Variants in KCNJ14 observed in about 807,000 individuals in gnomAD.
KCNJ14 encodes the protein ATP-sensitive inward rectifier potassium channel 14.
Under a neutral mutation model 24.5 loss-of-function variants are expected in KCNJ14, and 18 were observed. The observed-to-expected ratio is 0.74, with a 90% CI of 0.51 to 1.09. KCNJ14 has a LOEUF of 1.09. KCNJ14 is among the 50% of genes least tolerant of loss of function. KCNJ14 has a pLI of 0.00. For missense variants in KCNJ14, 633 were observed against 623.0 expected, an observed-to-expected ratio of 1.02 and a Z score of -0.17; for synonymous variants, 288 against 270.8, an observed-to-expected ratio of 1.06 and a Z score of -0.63.
At position 48,462,192 on chromosome 19, in the gene KCNJ14, C is replaced by T; in HGVS notation, c.468C>T (p.Thr156=). The change falls in exon 2 of 3, where the codon ACC becomes ACT. Residue 156 remains threonine, a synonymous_variant. Coordinates refer to ENST00000342291, the MANE Select transcript of KCNJ14 (RefSeq NM_013348.4). The surrounding 1 kb of genome is among the most constrained non-coding windows in gnomAD (Gnocchi z 4.9). ...TSIGYGVRSV[T]EECPAAVAAV... ...TCGGCTACGGCGTGCGCAGCGTCAC[C>T]GAGGAGTGCCCGGCCGCTGTGGCCG... The T allele has an allele frequency of 1.3e-6, 2 of 1,559,580 alleles. No homozygotes were observed. The highest frequency in any genetic ancestry group is 1.7e-6 in the Non-Finnish European group (2 of 1,152,530).
chr19:48,458,011 A>ATGT (rs1331882209), intron 1 of KCNJ14, among the ~76,000 whole-genome samples: 3 of 152,192 alleles, frequency 2.0e-5, no homozygotes, highest in Admixed American at 6.5e-5. Context: ...AGGTTTATCC[A>ATGT]TGTTGTTGCA....
chr19:48,459,624 G>A (rs1042293894), intron 1 of KCNJ14, among the ~76,000 whole-genome samples: 5 of 152,078 alleles, frequency 3.3e-5, no homozygotes, highest in Non-Finnish European at 7.4e-5. Context: ...ATGAACTCCT[G>A]GGCTCAAATG....
At chr19:48,459,871 A>C (rs1971575699) in intron 1 of KCNJ14, among the ~76,000 whole-genome samples, 2 of 152,084 alleles carry the variant, frequency 1.3e-5, no homozygotes, top group South Asian at 4.1e-4. Context: ...TCCACTAAAA[A>C]TACAAAAGTT....
At chr19:48,460,531 C>A (rs946545277) in intron 1 of KCNJ14, among the ~76,000 whole-genome samples, 2 of 152,176 alleles carry the variant, frequency 1.3e-5, no homozygotes, top group Non-Finnish European at 2.9e-5. Flanking sequence ...GCATGAACCA[C>A]CACACCCGGC....
Position 48,462,447 on chromosome 19 carries a change from G to C in KCNJ14, c.714+9G>C, listed in dbSNP as rs759246543. On this transcript the variant is annotated intron_variant, in intron 2 of 2. Coordinates refer to ENST00000342291, the MANE Select transcript of KCNJ14 (RefSeq NM_013348.4). The surrounding 1 kb of genome is among the most constrained non-coding windows in gnomAD (Gnocchi z 4.9). ...GTGCCCAGCTGCTGCAGGTGCGCCC[G>C]GGAGGAGAGGCGGGGACTTCCGTGA... is the stretch of plus-strand genomic sequence containing the variant. 2.1e-6 allele frequency: 3 copies of C among 1,459,132 alleles called. No homozygotes were observed. The highest frequency in any genetic ancestry group is 1.4e-5 in the South Asian group (1 of 70,668). The allele number at this position is 1,459,132 out of a possible 1,614,324, so 90.4% of individuals were successfully genotyped here.
intron 2 of KCNJ14, among the ~76,000 whole-genome samples, chr19:48,463,935 T>G (rs1971627924): frequency 6.6e-6 from 1 of 152,018 alleles, no homozygotes. Flanking sequence ...TGTCCCATGT[T>G]TTCTCTGGAC....
In KCNJ14 at chr19:48,462,177, C is replaced by T. The variant is rs1431329159; in HGVS notation, c.453C>T (p.Gly151=). 6 of 1,565,302 alleles carry T rather than the reference C, an allele frequency of 3.8e-6. No individual in the cohort carries two copies. The South Asian group carries it at 5.8e-5, about 15-fold the overall frequency. The change falls in exon 2 of 3, where the codon GGC becomes GGT. Residue 151 remains glycine (G), a synonymous_variant. Transcript: ENST00000342291. The surrounding 1 kb of genome is among the most constrained non-coding windows in gnomAD (Gnocchi z 4.9). Reference sequence around the variant, plus strand: ...AGACGCAGACGTCCATCGGCTACGGCGTGCGCAGCGTCACCGAGGAGTGCC... The same window carrying T: ...AGACGCAGACGTCCATCGGCTACGGTGTGCGCAGCGTCACCGAGGAGTGCC... The part of the protein sequence containing the change: ...ALETQTSIGY[G]VRSVTEECPA...
chr19:48,461,528 CAAAAAAAAAA>C, intron 1 of KCNJ14, 132 bp from the exon 2 acceptor site: 1 of 161,422 alleles, frequency 6.2e-6, no homozygotes, highest in South Asian at 3.3e-4. Context: ...ACTCTGTCTC[CAAAAAAAAAA>C]AAAAAAAAAA....
At chr19:48,461,488 A>G (rs1007224639) in intron 1 of KCNJ14, 182 bp from the exon 2 acceptor site, 3 of 360,740 alleles carry the variant, frequency 8.3e-6, no homozygotes, top group Non-Finnish European at 1.4e-5. Context: ...GGATCATGCC[A>G]CTGCACTCCA....
At position 48,462,417 on chromosome 19, in the gene KCNJ14, C is replaced by T. The variant is rs772889207; in HGVS notation, c.693C>T (p.His231=). 3 of 1,488,634 alleles carry T rather than the reference C, an allele frequency of 2.0e-6. No individual in the cohort carries two copies. Among genetic ancestry groups the T allele is most frequent in the African/African-American group, 1.4e-5 (1 of 71,402 alleles). 92.2% of individuals were successfully genotyped at this position (1,488,634 alleles called of 1,614,324 possible). ...GCCGCAGCCACCTGGTCGAGGCCCACGTGCGTGCCCAGCTGCTGCAGGTGC... is the reference window on the plus strand; with the variant it reads ...GCCGCAGCCACCTGGTCGAGGCCCATGTGCGTGCCCAGCTGCTGCAGGTGC... ...NLRRSHLVEA[H]VRAQLLQPRV... is the part of the protein sequence containing the mutation. Residue 231 remains histidine (H), a synonymous_variant, in exon 2 of 3, where the codon CAC becomes CAT. Coordinates refer to ENST00000342291, the MANE Select transcript of KCNJ14 (RefSeq NM_013348.4). The surrounding 1 kb of genome is among the most constrained non-coding windows in gnomAD (Gnocchi z 4.9).
chr19:48,464,345 C>T lies in KCNJ14; in HGVS notation c.879C>T (p.Ala293=), dbSNP rs1971633028. ...ATGAGCTAGGACGTGCCGAGCTGGCCAGGGCTGACTTTGAGCTGGTGGTCA... is the reference window on the plus strand; with the variant it reads ...ATGAGCTAGGACGTGCCGAGCTGGCTAGGGCTGACTTTGAGCTGGTGGTCA... The part of the protein sequence containing the change: ...PLYELGRAEL[A]RADFELVVIL... The change falls in exon 3 of 3, where the codon GCC becomes GCT. Residue 293 remains alanine (A), a synonymous_variant. Coordinates refer to ENST00000342291, the MANE Select transcript of KCNJ14 (RefSeq NM_013348.4). 2.5e-6 allele frequency: 4 copies of T among 1,613,352 alleles called. No homozygotes were observed. Among genetic ancestry groups the T allele is most frequent in the East Asian group, 4.5e-5 (2 of 44,856 alleles).
At position 48,461,550 on chromosome 19, in the gene KCNJ14, A is replaced by AAAAAAAAAAAAAAAAAAAAAAAAG. The variant is rs370425889; in HGVS notation, c.-55-120_-55-119insAAAAAAAAAAAAAAAAAAAAAAAG. The AAAAAAAAAAAAAAAAAAAAAAAAG allele has an allele frequency of 8.2e-5, 29 of 351,516 alleles. 4 individuals are homozygous for AAAAAAAAAAAAAAAAAAAAAAAAG. The highest frequency in any genetic ancestry group is 6.1e-4 in the African/African-American group (20 of 32,708). 21.8% of individuals were successfully genotyped at this position (351,516 alleles called of 1,614,324 possible). A position where few individuals can be genotyped will look rare whatever the true frequency, so the allele number is the denominator to read the frequency against. ...CTCCAAAAAAAAAAAAAAAAAAAAAATGCGTATCGTTCCACCTATTTGACA... is the reference window on the plus strand; with the variant it reads ...CTCCAAAAAAAAAAAAAAAAAAAAAAAAAAAAAAAAAAAAAAAAAAAAAGTGCGTATCGTTCCACCTATTTGACA... On this transcript the variant is annotated intron_variant, in intron 1 of 2. Coordinates refer to ENST00000342291, the MANE Select transcript of KCNJ14 (RefSeq NM_013348.4).
chr19:48,466,679 A>G lies in KCNJ14; in HGVS notation c.*1902A>G, dbSNP rs112046953. On this transcript the variant is annotated 3_prime_UTR_variant, in exon 3 of 3. Transcript: ENST00000342291. ...CAGCAGGATGAGTCCTCACTACACC[A>G]AGGGTGGGATGGGCATTCGAGTCCT... is the stretch of plus-strand genomic sequence containing the variant. 0.078 allele frequency: 11,916 copies of G among 152,202 alleles called. 857 individuals carry two copies. The highest frequency in any genetic ancestry group is 0.19 in the African/African-American group (7,755 of 41,506). The allele number at this position is 152,202 out of a possible 1,614,324, so 9.4% of individuals were successfully genotyped here. A position where few individuals can be genotyped will look rare whatever the true frequency, so the allele number is the denominator to read the frequency against.
rs550489102 is a variant in KCNJ14, at chr19:48,463,135, T to G, written c.714+697T>G. On this transcript the variant is annotated intron_variant, in intron 2 of 2. Coordinates refer to ENST00000342291, the MANE Select transcript of KCNJ14 (RefSeq NM_013348.4). ...TGGGGTACTGGCTCCCTCCCTGCCC[T>G]GAGGAAGGGGCCTTAGCGTTCCTAG... 3.3e-5 allele frequency among the ~76,000 whole-genome samples: 5 copies of G among 152,252 alleles called. No individual in the cohort carries two copies. In the South Asian group the frequency reaches 1.0e-3, roughly 32 times the overall value.
chr19:48,461,692 C>T lies in KCNJ14; in HGVS notation c.-33C>T. Reference sequence around the variant, plus strand: ...CAGCAGGTTGGGGGCGCCTGCCCCCCACTAGGCCAAGTGGAGGGGGTCCCT... The same window carrying T: ...CAGCAGGTTGGGGGCGCCTGCCCCCTACTAGGCCAAGTGGAGGGGGTCCCT... On this transcript the variant is annotated 5_prime_UTR_variant, in exon 2 of 3. Coordinates refer to ENST00000342291, the MANE Select transcript of KCNJ14 (RefSeq NM_013348.4). 2.2e-6 allele frequency: 3 copies of T among 1,353,292 alleles called. No homozygotes were observed. Among genetic ancestry groups the T allele is most frequent in the Non-Finnish European group, 2.9e-6 (3 of 1,047,324 alleles). 83.8% of individuals were successfully genotyped at this position (1,353,292 alleles called of 1,614,324 possible). A position where few individuals can be genotyped will look rare whatever the true frequency, so the allele number is the denominator to read the frequency against.
In KCNJ14 at chr19:48,465,890, G is replaced by A. The variant is rs1971650018; in HGVS notation, c.*1113G>A. Reference sequence around the variant, plus strand: ...TCACCTCCAGGTGGACTGCTTGGCAGTGCTAGGAGGTGGACTCAGGACTTC... The same window carrying A: ...TCACCTCCAGGTGGACTGCTTGGCAATGCTAGGAGGTGGACTCAGGACTTC... On this transcript the variant is annotated 3_prime_UTR_variant, in exon 3 of 3. Transcript: ENST00000342291. 6.6e-6 allele frequency: 1 copy of A among 152,628 alleles called. No individual in the cohort carries two copies. Among genetic ancestry groups the A allele is most frequent in the Non-Finnish European group, 1.5e-5 (1 of 68,066 alleles). The allele number at this position is 152,628 out of a possible 1,614,324, so 9.5% of individuals were successfully genotyped here. A position where few individuals can be genotyped will look rare whatever the true frequency, so the allele number is the denominator to read the frequency against.
rs370425889 is a variant in KCNJ14 at position 48,461,550 on chromosome 19, A to AAAAG, written c.-55-120_-55-119insAAAG. On this transcript the variant is annotated intron_variant, in intron 1 of 2. Transcript: ENST00000342291. ...CTCCAAAAAAAAAAAAAAAAAAAAA[A>AAAAG]TGCGTATCGTTCCACCTATTTGACA... 1.6e-3 allele frequency: 553 copies of AAAAG among 350,860 alleles called. 7 individuals are homozygous for AAAAG. The highest frequency in any genetic ancestry group is 3.5e-3 in the Middle Eastern group (4 of 1,142). 21.7% of individuals were successfully genotyped at this position (350,860 alleles called of 1,614,324 possible).
Position 48,461,822 on chromosome 19 carries a change from G to C in KCNJ14, c.98G>C (p.Arg33Pro), listed in dbSNP as rs1419066521. Residue 33 changes from arginine (R) to proline (P), a missense_variant, in exon 2 of 3, where the codon CGC becomes CCC. By Grantham distance (103) the Arg-to-Pro change is moderately radical (BLOSUM62 -2). Coordinates refer to ENST00000342291, the MANE Select transcript of KCNJ14 (RefSeq NM_013348.4). ...GAGGAGGCCGGGCCCGGGTTGTGCCGCAACGGGTGGGCGCCGGCACCGGTG... is the reference window on the plus strand; with the variant it reads ...GAGGAGGCCGGGCCCGGGTTGTGCCCCAACGGGTGGGCGCCGGCACCGGTG... ...DEEEAGPGLCRNGWAPAPVQS... is the reference protein window; with the variant it reads ...DEEEAGPGLCPNGWAPAPVQS... 6.6e-7 allele frequency: 1 copy of C among 1,504,514 alleles called. No individual in the cohort carries two copies. Among genetic ancestry groups the C allele is most frequent in the South Asian group, 1.3e-5 (1 of 75,848 alleles). 93.2% of individuals were successfully genotyped at this position (1,504,514 alleles called of 1,614,324 possible).
chr19:48,459,715 T>C (rs1304655120), intron 1 of KCNJ14, among the ~76,000 whole-genome samples: 1 of 152,116 alleles, frequency 6.6e-6, no homozygotes, highest in Non-Finnish European at 1.5e-5. Flanking sequence ...TTCTTGATAG[T>C]GTCTTTCGGA....
Sources: allele counts gnomAD v4.1 joint callset (sites outside exome capture counted in the v4.1 genomes callset), GRCh38; gene constraint gnomAD v4.1.1; non-coding constraint Gnocchi (gnomAD v3.1); transcripts MANE v1.5; gene names NCBI Gene and HGNC (gene_info 2026-07-23, HGNC 2026-07-21).